CBLN2: variants seen among roughly 807,000 people sequenced by gnomAD.
CBLN2 encodes cerebellin 2 precursor, also known as cerebellin-2.
A neutral mutation model predicts 15.0 loss-of-function variants in CBLN2; 7 were observed. The ratio of observed to expected loss-of-function variants is 0.47; its 90% CI spans 0.27 to 0.88. CBLN2 has a LOEUF of 0.88. CBLN2 is among the 40% of genes least tolerant of loss of function. The probability of loss-of-function intolerance (pLI) is 0.14; values close to 1 mark genes in which losing one functional copy is unlikely to be tolerated. For missense variants in CBLN2, 242 were observed against 304.5 expected (o/e 0.79, Z 1.53); for synonymous variants, 149 against 135.2 (o/e 1.10, Z -0.71).
chr18:72,637,281 CA>C (rs56971218), intron 1 of CBLN2, among the ~76,000 whole-genome samples: 85,222 of 150,186 alleles, frequency 0.57, 24,613 homozygotes, highest in African/African-American at 0.69. Flanking sequence ...ACAGAACAAG[CA>C]AAAAAAAAAA....
chr18:72,627,925 C>T (rs1050510982), intron 1 of CBLN2, among the ~76,000 whole-genome samples: 4 of 152,120 alleles, frequency 2.6e-5, no homozygotes, highest in African/African-American at 7.2e-5. Flanking sequence ...TAATAAAATG[C>T]CTATGGCCAA....
intron 1 of CBLN2, among the ~76,000 whole-genome samples, chr18:72,557,269 T>C (rs990946313): frequency 6.6e-6 from 1 of 152,228 alleles, no homozygotes; most frequent in Non-Finnish European, 1.5e-5. Flanking sequence ...ACATTTTCTT[T>C]ATCCAGTCTC....
chr18:72,564,405 T>C (rs2069281124), intron 1 of CBLN2, among the ~76,000 whole-genome samples: 1 of 151,840 alleles, frequency 6.6e-6, no homozygotes, highest in Non-Finnish European at 1.5e-5. Flanking sequence ...ACGAATGAAA[T>C]AAAAATACAG....
intron 1 of CBLN2, among the ~76,000 whole-genome samples, chr18:72,626,035 G>A (rs1259453980): frequency 3.3e-5 from 5 of 151,726 alleles, no homozygotes; most frequent in African/African-American, 1.2e-4. Context: ...CCCCAGCCTT[G>A]TGGTCCAGTG....
chr18:72,585,756 T>G (rs1231594687), intron 1 of CBLN2, among the ~76,000 whole-genome samples: 4 of 152,180 alleles, frequency 2.6e-5, no homozygotes, highest in African/African-American at 9.7e-5. Flanking sequence ...TTCGTACCAA[T>G]GGACACCTGA....
At chr18:72,635,748 C>T (rs72972719) in intron 1 of CBLN2, among the ~76,000 whole-genome samples, 13,196 of 151,962 alleles carry the variant, frequency 0.087, 821 homozygotes, top group Admixed American at 0.21. Flanking sequence ...GATGGAAATA[C>T]CTTATTGAAA....
chr18:72,556,947 C>G (rs920903238), intron 1 of CBLN2, among the ~76,000 whole-genome samples: 1 of 152,060 alleles, frequency 6.6e-6, no homozygotes, highest in African/African-American at 2.4e-5. Flanking sequence ...TTTTAAACCA[C>G]CTCATAAAAA....
upstream of CBLN2, among the ~76,000 whole-genome samples, chr18:72,547,184 G>T (rs1488036793): frequency 2.0e-5 from 3 of 151,466 alleles, no homozygotes; most frequent in Non-Finnish European, 4.4e-5. Context: ...GGAATGAAAA[G>T]AATGAAATCA....
At chr18:72,599,045 G>T (rs904203817) in intron 1 of CBLN2, among the ~76,000 whole-genome samples, 3 of 152,190 alleles carry the variant, frequency 2.0e-5, no homozygotes, top group Admixed American at 2.0e-4. Context: ...TTGGGTTCTT[G>T]TGAAGGTGTT....
At position 72,631,404 on chromosome 18, in the gene CBLN2, G is replaced by A. The variant is rs1460145233; in HGVS notation, c.15+6921C>T. Among the ~76,000 whole-genome samples, 11 of 149,976 alleles carry A rather than the reference G, an allele frequency of 7.3e-5. No homozygotes were observed. The Admixed American group carries it at 7.3e-4, about 10-fold the overall frequency. On this transcript the variant is annotated intron_variant, in intron 1 of 2. Transcript: ENST00000581073. ...AGCCTGATTCTATAGGTGCTCTATAGTTATTAAATGGAAAAGGCTAGTGTG... is the reference window on the plus strand; with the variant it reads ...AGCCTGATTCTATAGGTGCTCTATAATTATTAAATGGAAAAGGCTAGTGTG...
chr18:72,620,269 T>A (rs2069691325), intron 1 of CBLN2: 1 of 152,164 alleles, frequency 6.6e-6, no homozygotes, highest in Admixed American at 6.6e-5. Flanking sequence ...TTTGAGTATC[T>A]GCACTTGTGG....
At chr18:72,630,540 CT>C (rs1251187911) in intron 1 of CBLN2, among the ~76,000 whole-genome samples, 36 of 145,420 alleles carry the variant, frequency 2.5e-4, no homozygotes, top group African/African-American at 8.6e-4. Flanking sequence ...ACTCACAACC[CT>C]CCCCCCCACA....
At position 72,554,659 on chromosome 18, in the gene CBLN2, G is replaced by GA. The variant is rs917154230; in HGVS notation, c.16-15888dup. Among the ~76,000 whole-genome samples the GA allele has an allele frequency of 1.7e-3, 261 of 149,208 alleles. 1 individual carries two copies. The highest frequency in any genetic ancestry group is 6.4e-3 in the African/African-American group (254 of 39,700). On this transcript the variant is annotated intron_variant, in intron 1 of 2. Transcript: ENST00000581073. The stretch of plus-strand genomic sequence containing the variant: ...AAAAAAAAAATTGAATGCCTGCAAA[G>GA]AAAAAAAAAACTAAAAACTCAGTGA...
At chr18:72,588,252 A>G (rs756819989) in intron 1 of CBLN2, among the ~76,000 whole-genome samples, 17 of 152,178 alleles carry the variant, frequency 1.1e-4, no homozygotes, top group Admixed American at 2.6e-4. Context: ...CCCCACTCCA[A>G]ATCAGTTGAT....
chr18:72,559,785 A>G (rs2069248600), intron 1 of CBLN2, among the ~76,000 whole-genome samples: 1 of 152,238 alleles, frequency 6.6e-6, no homozygotes, highest in African/African-American at 2.4e-5. Flanking sequence ...GGCGCTTCAT[A>G]TAGCATTGGA....
At chr18:72,547,402 T>C (rs866522574), upstream of CBLN2, among the ~76,000 whole-genome samples, 16 of 152,274 alleles carry the variant, frequency 1.1e-4, no homozygotes, top group South Asian at 4.1e-4. Flanking sequence ...GTGGGTACAA[T>C]GTACACTATT....
chr18:72,586,517 C>A (rs1302062980), intron 1 of CBLN2, among the ~76,000 whole-genome samples: 1 of 152,158 alleles, frequency 6.6e-6, no homozygotes, highest in African/African-American at 2.4e-5. Context: ...GGCTAGTTTT[C>A]TCAAAGAATC....
At chr18:72,624,941 A>G (rs1812212374) in intron 1 of CBLN2, among the ~76,000 whole-genome samples, 1 of 152,200 alleles carries the variant, frequency 6.6e-6, no homozygotes, top group African/African-American at 2.4e-5. Context: ...GGGGCAAATG[A>G]TAATTGGAAG....
intron 1 of CBLN2, among the ~76,000 whole-genome samples, chr18:72,592,617 T>C (rs1292674362): frequency 6.6e-6 from 1 of 152,164 alleles, no homozygotes; most frequent in African/African-American, 2.4e-5. Flanking sequence ...AGTAGTTTCA[T>C]AGTTTGAGGT....
Sources: gnomAD v4.1 joint callset for allele counts (sites outside exome capture counted in the v4.1 genomes callset) on GRCh38, gnomAD v4.1.1 for gene constraint, MANE v1.5 for transcripts, NCBI Gene and HGNC (gene_info 2026-07-23, HGNC 2026-07-21) for gene names.